Variants in TMIGD3 observed in about 807,000 individuals in gnomAD.
The protein encoded by TMIGD3 is AD026 protein (AD026).
In TMIGD3, 21 loss-of-function variants were observed where a neutral mutation model predicts 28.1. The observed-to-expected ratio is 0.75, with a 90% CI of 0.53 to 1.08. The LOEUF is 1.08. Among genes scored for constraint, TMIGD3 ranks in the 50% least tolerant of loss-of-function variants. The probability of loss-of-function intolerance (pLI) is 0.00; values close to 1 mark genes in which losing one functional copy is unlikely to be tolerated. For missense variants in TMIGD3, 416 were observed against 435.6 expected (o/e 0.96, Z 0.40); for synonymous variants, 151 against 162.1 (o/e 0.93, Z 0.52).
At chr1:111,525,665 C>A (rs1302556562) in intron 1 of TMIGD3, among the ~76,000 whole-genome samples, 1 of 152,162 alleles carries the variant, frequency 6.6e-6, no homozygotes, top group Non-Finnish European at 1.5e-5. Flanking sequence ...GAGTTTGAGA[C>A]CAGCCTGGCC....
At chr1:111,524,406 A>G (rs765056876) in intron 1 of TMIGD3, among the ~76,000 whole-genome samples, 21 of 152,074 alleles carry the variant, frequency 1.4e-4, no homozygotes, top group Non-Finnish European at 2.1e-4. Context: ...ATTTTAAATG[A>G]CATATTTACT....
rs1161575777 is a variant in TMIGD3 at position 111,502,096 on chromosome 1, AGATATATATTTAATATAATAAATATATAG to A, written c.350+880_350+908del. Among the ~76,000 whole-genome samples the A allele has an allele frequency of 7.3e-3, 901 of 122,706 alleles. 6 individuals are homozygous for A. The highest frequency in any genetic ancestry group is 0.016 in the East Asian group (73 of 4,472). 80.5% of individuals were successfully genotyped at this position (122,706 alleles called of 152,430 possible). On this transcript the variant is annotated intron_variant, in intron 1 of 5. Transcript: ENST00000369716. ...ATATATTATAATAAATATATATAGG[AGATATATATTTAATATAATAAATATATAG>A]GATATATATTTAATATAATAAATAT... is the stretch of plus-strand genomic sequence containing the variant.
intron 4 of TMIGD3, among the ~76,000 whole-genome samples, 191 bp downstream of exon 4, chr1:111,486,394 TA>T (rs1209195639): frequency 1.4e-5 from 2 of 144,164 alleles, no homozygotes; most frequent in East Asian, 4.0e-4. Flanking sequence ...CCAAGAGTCC[TA>T]AACTGTATTT....
chr1:111,540,544 G>A (rs1298966564), intron 1 of TMIGD3, among the ~76,000 whole-genome samples: 2 of 152,216 alleles, frequency 1.3e-5, no homozygotes, highest in African/African-American at 4.8e-5. Flanking sequence ...ATCTTTCTGG[G>A]TTCTGGTTGG....
chr1:111,533,702 T>C (rs1656528557), intron 1 of TMIGD3, among the ~76,000 whole-genome samples: 1 of 152,120 alleles, frequency 6.6e-6, no homozygotes. Context: ...TACAGGAGCG[T>C]GCCACCACAC....
At chr1:111,489,620 C>G (rs1177246058) in intron 2 of TMIGD3, 1 of 1,138,152 alleles carries the variant, frequency 8.8e-7, no homozygotes, top group Admixed American at 3.3e-5. Flanking sequence ...ATATGGAGGC[C>G]TCCTACCATT....
chr1:111,536,316 GAC>G (rs1656638851), intron 1 of TMIGD3, among the ~76,000 whole-genome samples: 1 of 151,796 alleles, frequency 6.6e-6, no homozygotes, highest in Non-Finnish European at 1.5e-5. Context: ...ACATTAGCTA[GAC>G]ACAGATCAAC....
chr1:111,517,799 G>A (rs921097627), intron 1 of TMIGD3, among the ~76,000 whole-genome samples: 1 of 152,138 alleles, frequency 6.6e-6, no homozygotes, highest in South Asian at 2.1e-4. Context: ...ACTGCTGCAT[G>A]GATTATCTAT....
intron 3 of TMIGD3, among the ~76,000 whole-genome samples, chr1:111,487,540 C>T (rs1654443800): frequency 6.6e-6 from 1 of 151,810 alleles, no homozygotes; most frequent in African/African-American, 2.4e-5. Flanking sequence ...AAGGCTAGCG[C>T]CTTCCATAAG....
intron 1 of TMIGD3, among the ~76,000 whole-genome samples, chr1:111,513,513 G>A (rs1390489884): frequency 6.6e-6 from 1 of 152,152 alleles, no homozygotes; most frequent in Non-Finnish European, 1.5e-5. Context: ...TTTATTCTAG[G>A]TTGGGAGTTT....
At chr1:111,516,301 G>A (rs1655865910) in intron 1 of TMIGD3, among the ~76,000 whole-genome samples, 1 of 152,220 alleles carries the variant, frequency 6.6e-6, no homozygotes, top group African/African-American at 2.4e-5. Context: ...AGGTCAGTCA[G>A]GAGGAGGAAC....
At chr1:111,505,090 T>C (rs1481386730), upstream of TMIGD3, 1 of 817,790 alleles carries the variant, frequency 1.2e-6, no homozygotes, top group Non-Finnish European at 1.4e-6. Flanking sequence ...AGAAGGAAGT[T>C]ACCAAGAGAA....
Position 111,483,564 on chromosome 1 carries a change from A to T in TMIGD3, c.*123T>A. The T allele has an allele frequency of 1.2e-6, 1 of 846,738 alleles. No individual in the cohort carries two copies. The highest frequency in any genetic ancestry group is 1.9e-6 in the Non-Finnish European group (1 of 512,920). The allele number at this position is 846,738 out of a possible 1,614,324, so 52.5% of individuals were successfully genotyped here. On this transcript the variant is annotated 3_prime_UTR_variant, in exon 6 of 6. Transcript: ENST00000369716. ...TACCTGGCTGCAAATGATTGTTGTC[A>T]AGGATAGAGGGTCCTTCAGAATTCC... is the stretch of plus-strand genomic sequence containing the variant.
intron 3 of TMIGD3, 100 bp downstream of exon 3, chr1:111,488,577 A>T: frequency 1.9e-6 from 2 of 1,059,596 alleles, no homozygotes; most frequent in South Asian, 3.0e-5. Flanking sequence ...ACCCAGTGGG[A>T]GTCTGAGTTG....
At chr1:111,548,103 C>A (rs939231190) in intron 1 of TMIGD3, among the ~76,000 whole-genome samples, 9 of 152,222 alleles carry the variant, frequency 5.9e-5, no homozygotes, top group African/African-American at 2.2e-4. Context: ...TCACTGCAAC[C>A]TCCACCTCCT....
At chr1:111,542,849 A>C (rs1450620500) in intron 1 of TMIGD3, among the ~76,000 whole-genome samples, 1 of 152,032 alleles carries the variant, frequency 6.6e-6, no homozygotes, top group Non-Finnish European at 1.5e-5. Context: ...GGCATGAACC[A>C]CCATGGCTGG....
intron 3 of TMIGD3, among the ~76,000 whole-genome samples, chr1:111,487,532 G>A (rs1654442434): frequency 6.6e-6 from 1 of 151,906 alleles, no homozygotes; most frequent in South Asian, 2.1e-4. Flanking sequence ...AAGAAAGAAA[G>A]GCTAGCGCCT....
intron 1 of TMIGD3, among the ~76,000 whole-genome samples, chr1:111,560,931 G>A (rs1056639331): frequency 2.0e-5 from 3 of 152,088 alleles, no homozygotes; most frequent in African/African-American, 7.2e-5. Flanking sequence ...TGTAACAACC[G>A]CACCAGATCT....
rs1000721721 is a variant in TMIGD3, at chr1:111,486,290, C to G, written c.872+296G>C. Among the ~76,000 whole-genome samples the G allele has an allele frequency of 1.1e-4, 17 of 152,310 alleles. No homozygotes were observed. The East Asian group carries it at 2.7e-3, about 24-fold the overall frequency. ...TCCTGACAATTTCCAAGGGTGGCCA[C>G]ATCCCTGCTCCTGCATTTGAAACAC... On this transcript the variant is annotated intron_variant, in intron 4 of 5. Transcript: ENST00000369716.
Sources: gnomAD v4.1 joint callset for allele counts (sites outside exome capture counted in the v4.1 genomes callset) on GRCh38, gnomAD v4.1.1 for gene constraint, MANE v1.5 for transcripts, NCBI Gene and HGNC (gene_info 2026-07-23, HGNC 2026-07-21) for gene names.